Variants in DCLK2 observed in about 807,000 individuals in gnomAD.
The protein encoded by DCLK2 is doublecortin like kinase 2.
Under a neutral mutation model 78.4 loss-of-function variants are expected in DCLK2, and 31 were observed. That is an observed-to-expected ratio of 0.40 (90% CI 0.30 to 0.53). The LOEUF is 0.53. DCLK2 is among the 20% of genes least tolerant of loss of function. DCLK2 has a pLI of 0.61. For synonymous variants in DCLK2, 407 were observed against 374.9 expected, an observed-to-expected ratio of 1.09 and a Z score of -0.99; for missense variants, 872 against 973.7, an observed-to-expected ratio of 0.90 and a Z score of 1.39.
chr4:150,237,128 A>T (rs546246349), intron 10 of DCLK2, among the ~76,000 whole-genome samples: 17 of 152,066 alleles, frequency 1.1e-4, no homozygotes, highest in Non-Finnish European at 2.1e-4. Context: ...AACTCTCATG[A>T]TGCAGACAGT....
chr4:150,226,415 C>T (rs1266335819), intron 8 of DCLK2, among the ~76,000 whole-genome samples: 2 of 152,072 alleles, frequency 1.3e-5, no homozygotes, highest in East Asian at 1.9e-4. Flanking sequence ...TTTCTCCATA[C>T]ATGTAAGGGT....
chr4:150,249,882 G>A (rs1425502385), intron 15 of DCLK2, among the ~76,000 whole-genome samples, 198 bp downstream of exon 15: 2 of 152,142 alleles, frequency 1.3e-5, no homozygotes, highest in Non-Finnish European at 2.9e-5. Context: ...CTTGTGTAGG[G>A]ACCAGCAGGC....
chr4:150,135,165 T>TAC (rs57866267), intron 2 of DCLK2, among the ~76,000 whole-genome samples: 11,869 of 146,786 alleles, frequency 0.081, 516 homozygotes, highest in Middle Eastern at 0.15. Flanking sequence ...CATACACGTG[T>TAC]ACACACACAC....
At chr4:150,182,939 C>T (rs1737637768) in intron 2 of DCLK2, among the ~76,000 whole-genome samples, 1 of 152,108 alleles carries the variant, frequency 6.6e-6, no homozygotes, top group Admixed American at 6.5e-5. Context: ...TTAATTTCAG[C>T]AGGAGGTAGG....
chr4:150,232,832 T>A lies in DCLK2; in HGVS notation c.1566+4T>A. 1 of 1,609,504 alleles carries A rather than the reference T, an allele frequency of 6.2e-7. No homozygotes were observed. The highest frequency in any genetic ancestry group is 8.5e-7 in the Non-Finnish European group (1 of 1,177,774). ...CATCAAACCAGAGAATCTCTTGGTA[T>A]GTCATCCCTGCTTTTTCTGTTCCAA... On this transcript the variant is annotated splice_donor_region_variant and intron_variant, in intron 10 of 15. Coordinates refer to ENST00000296550, the MANE Select transcript of DCLK2 (RefSeq NM_001040260.4).
chr4:150,246,171 AG>A lies in DCLK2; in HGVS notation c.1779-1431del, dbSNP rs539979256. On this transcript the variant is annotated intron_variant, in intron 12 of 15. Coordinates refer to ENST00000296550, the MANE Select transcript of DCLK2 (RefSeq NM_001040260.4). Reference sequence around the variant, plus strand: ...GGGATTCTCCTGCCCCAGCCTCCTGAGTAGCTGGGATTACAGGTGCGCACCA... The same window carrying A: ...GGGATTCTCCTGCCCCAGCCTCCTGATAGCTGGGATTACAGGTGCGCACCA... Among the ~76,000 whole-genome samples the A allele has an allele frequency of 2.4e-3, 363 of 151,972 alleles. 4 individuals are homozygous for A. Among genetic ancestry groups the A allele is most frequent in the Admixed American group, 2.2e-3 (34 of 15,282 alleles).
intron 2 of DCLK2, among the ~76,000 whole-genome samples, chr4:150,119,127 C>T (rs946427554): frequency 7.9e-5 from 12 of 151,916 alleles, no homozygotes; most frequent in Non-Finnish European, 1.6e-4. Context: ...CATGGTTTTT[C>T]CATGTAATCA....
intron 2 of DCLK2, among the ~76,000 whole-genome samples, chr4:150,160,529 G>C (rs1334783891): frequency 1.3e-5 from 2 of 152,202 alleles, no homozygotes; most frequent in Non-Finnish European, 2.9e-5. Context: ...ACTCAAGGAA[G>C]TTAAATAACT....
In DCLK2 at chr4:150,248,344, C is replaced by T. The variant is rs1454955717; in HGVS notation, c.1915C>T (p.Arg639Trp). Residue 639 changes from arginine (R) to tryptophan (W), a missense_variant, in exon 14 of 16, where the codon CGG becomes TGG. Arg to Trp is a moderately radical substitution (Grantham distance 101). This residue lies in a region of DCLK2 where 219 missense variants were observed against 230.1 expected (regional missense o/e 0.95). Transcript: ENST00000296550. ...SQMLQVNVEA[R>W]CTAGQILSHP... The stretch of plus-strand genomic sequence containing the variant: ...AATGCTTCAGGTAAATGTTGAAGCT[C>T]GGTGTACCGCGGGACAAATCCTGAG... 2.5e-6 allele frequency: 4 copies of T among 1,613,760 alleles called. No homozygotes were observed. The highest frequency in any genetic ancestry group is 1.3e-5 in the African/African-American group (1 of 74,908).
intron 2 of DCLK2, among the ~76,000 whole-genome samples, chr4:150,191,559 G>A (rs1043833409): frequency 1.3e-5 from 2 of 152,132 alleles, no homozygotes; most frequent in South Asian, 2.1e-4. Flanking sequence ...ATGAGTGAAG[G>A]GGTGTGTGCT....
chr4:150,184,446 A>C (rs1348515639), intron 2 of DCLK2, among the ~76,000 whole-genome samples: 4 of 152,176 alleles, frequency 2.6e-5, no homozygotes, highest in Admixed American at 1.3e-4. Flanking sequence ...AGACTTTAGA[A>C]TCTTAGAGCA....
chr4:150,155,858 T>C (rs1315908102), intron 2 of DCLK2, among the ~76,000 whole-genome samples: 1 of 151,954 alleles, frequency 6.6e-6, no homozygotes, highest in Non-Finnish European at 1.5e-5. Context: ...AACATGGGAA[T>C]TGATGTCATG....
chr4:150,253,612 T>A (rs1300783811), intron 15 of DCLK2: 1 of 1,283,558 alleles, frequency 7.8e-7, no homozygotes, highest in Non-Finnish European at 1.0e-6. Context: ...CTCTCACGCC[T>A]GCATGCTTGT....
intron 2 of DCLK2, among the ~76,000 whole-genome samples, chr4:150,185,813 T>G (rs1737885261): frequency 6.6e-6 from 1 of 152,206 alleles, no homozygotes. Context: ...AAAAGAGTGG[T>G]TGTGGCAAGC....
At chr4:150,250,850 C>G (rs1397088851) in intron 15 of DCLK2, among the ~76,000 whole-genome samples, 1 of 146,636 alleles carries the variant, frequency 6.8e-6, no homozygotes, top group Non-Finnish European at 1.5e-5. Flanking sequence ...CACACATAAC[C>G]CACATCCCCA....
chr4:150,160,567 T>C (rs1053226870), intron 2 of DCLK2, among the ~76,000 whole-genome samples: 25 of 152,364 alleles, frequency 1.6e-4, no homozygotes, highest in African/African-American at 5.5e-4. Flanking sequence ...GGTTATTGTA[T>C]GGCTGAGGAA....
chr4:150,144,355 T>G (rs1560808952), intron 2 of DCLK2, among the ~76,000 whole-genome samples: 1 of 152,212 alleles, frequency 6.6e-6, no homozygotes, highest in Non-Finnish European at 1.5e-5. Context: ...TTCCCATTTA[T>G]TTTTGTCAAC....
intron 1 of DCLK2, 143 bp downstream of exon 1, chr4:150,079,591 C>A: frequency 1.1e-6 from 1 of 879,322 alleles, no homozygotes; most frequent in Non-Finnish European, 1.6e-6. Flanking sequence ...TAGAGATTGG[C>A]TGGGGGTGGG....
At chr4:150,176,647 G>A (rs1271577814) in intron 2 of DCLK2, among the ~76,000 whole-genome samples, 1 of 152,220 alleles carries the variant, frequency 6.6e-6, no homozygotes, top group Non-Finnish European at 1.5e-5. Context: ...AAGAAGTAAG[G>A]AGGCTCTTCT....
Sources: gnomAD v4.1 joint callset for allele counts (sites outside exome capture counted in the v4.1 genomes callset) on GRCh38, gnomAD v4.1.1 for gene constraint, gnomAD v4.1.1 regional missense constraint, MANE v1.5 for transcripts, NCBI Gene and HGNC (gene_info 2026-07-23, HGNC 2026-07-21) for gene names.